Variants in EEF1A1 observed in about 807,000 individuals in gnomAD.
EEF1A1 encodes the protein elongation factor 1-alpha 1.
In EEF1A1, 1 loss-of-function variant was observed where a neutral mutation model predicts 38.5. The observed-to-expected ratio is 0.03, with a 90% CI of 0.01 to 0.12. The LOEUF (loss-of-function observed/expected upper bound fraction) is 0.12, where lower values mean the gene tolerates loss of function less well. Among genes scored for constraint, EEF1A1 ranks in the 10% least tolerant of loss-of-function variants. The pLI is 1.00. For missense variants in EEF1A1, 184 were observed against 588.3 expected (o/e 0.31, Z 7.11); for synonymous variants, 229 against 203.7 (o/e 1.12, Z -1.06).
rs1765547822 is a variant in EEF1A1, at chr6:73,517,400, C to T, written c.*410G>A. 6.0e-6 allele frequency: 1 copy of T among 167,626 alleles called. No homozygotes were observed. Among genetic ancestry groups the T allele is most frequent in the Admixed American group, 6.0e-5 (1 of 16,750 alleles). The allele number at this position is 167,626 out of a possible 1,614,324, so 10.4% of individuals were successfully genotyped here. On this transcript the variant is annotated 3_prime_UTR_variant, in exon 8 of 8. Coordinates refer to ENST00000309268, the MANE Select transcript of EEF1A1 (RefSeq NM_001402.6). ...TGTGGGGGGAAAACAACCCTATTCT[C>T]CACCCAGAAGTGTTAACTCAAGAAT...
Position 73,516,699 on chromosome 6 carries a change from C to T in EEF1A1, c.*1111G>A, listed in dbSNP as rs1765524406. On this transcript the variant is annotated 3_prime_UTR_variant, in exon 8 of 8. Transcript: ENST00000309268. Reference sequence around the variant, plus strand: ...TTATAACCAAAAAAAAACCTTTAGACACTTTTACATATGGGAGGTCAGGCA... The same window carrying T: ...TTATAACCAAAAAAAAACCTTTAGATACTTTTACATATGGGAGGTCAGGCA... 6.6e-6 allele frequency: 1 copy of T among 151,754 alleles called. No individual in the cohort carries two copies. Among genetic ancestry groups the T allele is most frequent in the Non-Finnish European group, 1.5e-5 (1 of 67,936 alleles). 9.4% of individuals were successfully genotyped at this position (151,754 alleles called of 1,614,324 possible).
chr6:73,519,623 C>CA, intron 2 of EEF1A1, 107 bp from the exon 3 acceptor site: 1 of 1,321,724 alleles, frequency 7.6e-7, no homozygotes, highest in African/African-American at 1.5e-5. Flanking sequence ...ACTCCAAGTC[C>CA]AAAGTGATTT....
At position 73,516,225 on chromosome 6, in the gene EEF1A1, C is replaced by G. The variant is rs1292227518; in HGVS notation, c.*1585G>C. The G allele has an allele frequency of 6.6e-6, 1 of 152,136 alleles. No individual in the cohort carries two copies. The highest frequency in any genetic ancestry group is 2.4e-5 in the African/African-American group (1 of 41,408). The allele number at this position is 152,136 out of a possible 1,614,324, so 9.4% of individuals were successfully genotyped here. On this transcript the variant is annotated 3_prime_UTR_variant, in exon 8 of 8. Transcript: ENST00000309268. ...ATTACAGACTTGTCTATGGCCAATT[C>G]AAGTACCTTTGAATCTTGAGCAATA...
chr6:73,519,540 T>C, intron 2 of EEF1A1, 24 bp from the exon 3 acceptor site: 3 of 1,566,476 alleles, frequency 1.9e-6, no homozygotes, highest in African/African-American at 2.7e-5. Context: ...GAGTCGTTAC[T>C]TGGTTACTAA....
chr6:73,518,868 A>C lies in EEF1A1; in HGVS notation c.622-20T>G. On this transcript the variant is annotated intron_variant, in intron 4 of 7. Transcript: ENST00000309268. ...AGGCATCTGAAACACAAGCATGCCA[A>C]TTTGTGTAAGCATGAAATCGCCATT... 1 of 1,612,628 alleles carries C rather than the reference A, an allele frequency of 6.2e-7. No individual in the cohort carries two copies. Among genetic ancestry groups the C allele is most frequent in the Non-Finnish European group, 8.5e-7 (1 of 1,178,696 alleles).
rs1478958703 is a variant in EEF1A1, at chr6:73,516,854, TAGTGACCA to T, written c.*948_*955del. ...GCCTATTACCATGTAGTTTCATTCCTAGTGACCAAGTAGACAAACTGCTAATTATCAAA... is the reference window on the plus strand; with the variant it reads ...GCCTATTACCATGTAGTTTCATTCCTAGTAGACAAACTGCTAATTATCAAA... On this transcript the variant is annotated 3_prime_UTR_variant, in exon 8 of 8. Coordinates refer to ENST00000309268, the MANE Select transcript of EEF1A1 (RefSeq NM_001402.6). 6.6e-6 allele frequency: 1 copy of T among 152,200 alleles called. No homozygotes were observed. Among genetic ancestry groups the T allele is most frequent in the African/African-American group, 2.4e-5 (1 of 41,448 alleles). The allele number at this position is 152,200 out of a possible 1,614,324, so 9.4% of individuals were successfully genotyped here. A position where few individuals can be genotyped will look rare whatever the true frequency, so the allele number is the denominator to read the frequency against.
rs1410705914 is a variant in EEF1A1 at position 73,515,774 on chromosome 6, T to C, written c.*2036A>G. 1.3e-5 allele frequency: 2 copies of C among 152,244 alleles called. No individual in the cohort carries two copies. The highest frequency in any genetic ancestry group is 2.1e-4 in the South Asian group (1 of 4,834). 9.4% of individuals were successfully genotyped at this position (152,244 alleles called of 1,614,324 possible). ...CTTAAAGCTTAAAATTCATTTATTG[T>C]AGTGAGCAAGTTTGTAATGAATACC... On this transcript the variant is annotated 3_prime_UTR_variant, in exon 8 of 8. Coordinates refer to ENST00000309268, the MANE Select transcript of EEF1A1 (RefSeq NM_001402.6).
Position 73,518,362 on chromosome 6 carries a change from T to G in EEF1A1, c.1021A>C (p.Thr341Pro), listed in dbSNP as rs192118435. ...TTACTTTAAATTGTTACCTGAGCAG[T>G]GAAGCCAGCTGCTTCCATTGGTGGG... ...NDPPMEAAGFTAQVIILNHPG... is the reference protein window; with the variant it reads ...NDPPMEAAGFPAQVIILNHPG... The change falls in exon 6 of 8, where the codon ACT becomes CCT. Residue 341 changes from threonine to proline, a missense_variant. By Grantham distance (38) the Thr-to-Pro change is conservative. Transcript: ENST00000309268. 6.2e-7 allele frequency: 1 copy of G among 1,613,906 alleles called. No individual in the cohort carries two copies. The highest frequency in any genetic ancestry group is 1.7e-5 in the Admixed American group (1 of 60,030).
Position 73,519,779 on chromosome 6 carries a change from A to G in EEF1A1, c.144+104T>C. 2.0e-6 allele frequency: 3 copies of G among 1,499,050 alleles called. No individual in the cohort carries two copies. In the Admixed American group the frequency reaches 6.2e-5, roughly 31 times the overall value. The allele number at this position is 1,499,050 out of a possible 1,614,324, so 92.9% of individuals were successfully genotyped here. On this transcript the variant is annotated intron_variant, in intron 2 of 7. Transcript: ENST00000309268. ...TTTCATAAGTAAGGTCTTAACTATTAGCATTCAGATCTAAACCACTCACTA... is the reference window on the plus strand; with the variant it reads ...TTTCATAAGTAAGGTCTTAACTATTGGCATTCAGATCTAAACCACTCACTA...
chr6:73,520,123 A>C, intron 1 of EEF1A1, 67 bp from the exon 2 acceptor site: 2 of 1,438,220 alleles, frequency 1.4e-6, no homozygotes, highest in Non-Finnish European at 9.3e-7. Context: ...ATCCAAACTC[A>C]AAAAGGGCAA....
chr6:73,519,788 A>G, intron 2 of EEF1A1, 95 bp downstream of exon 2: 1 of 1,551,942 alleles, frequency 6.4e-7, no homozygotes, highest in South Asian at 1.2e-5. Context: ...TAGCATTCAG[A>G]TCTAAACCAC....
At chr6:73,519,606 C>A in intron 2 of EEF1A1, 90 bp from the exon 3 acceptor site, 1 of 1,388,624 alleles carries the variant, frequency 7.2e-7, no homozygotes, top group East Asian at 2.3e-5. Context: ...GCAGTTTCCA[C>A]TTTACAACTC....
chr6:73,517,784 G>A lies in EEF1A1; in HGVS notation c.*26C>T. On this transcript the variant is annotated 3_prime_UTR_variant, in exon 8 of 8. Coordinates refer to ENST00000309268, the MANE Select transcript of EEF1A1 (RefSeq NM_001402.6). Reference sequence around the variant, plus strand: ...CGTTCTTCCACCACTGATTAAGAGTGGGGTGGCAGGTATTAGGGATAATAT... The same window carrying A: ...CGTTCTTCCACCACTGATTAAGAGTAGGGTGGCAGGTATTAGGGATAATAT... The A allele has an allele frequency of 1.6e-6, 2 of 1,289,642 alleles. No individual in the cohort carries two copies. Among genetic ancestry groups the A allele is most frequent in the Non-Finnish European group, 2.2e-6 (2 of 917,260 alleles). The allele number at this position is 1,289,642 out of a possible 1,614,324, so 79.9% of individuals were successfully genotyped here.
intron 2 of EEF1A1, 60 bp from the exon 3 acceptor site, chr6:73,519,576 T>C: frequency 6.6e-7 from 1 of 1,512,986 alleles, no homozygotes; most frequent in Non-Finnish European, 8.9e-7. Context: ...TTCAATTTCC[T>C]TGTCCCCAGC....
chr6:73,519,815 A>G, intron 2 of EEF1A1, 68 bp downstream of exon 2: 1 of 1,595,794 alleles, frequency 6.3e-7, no homozygotes, highest in Non-Finnish European at 8.5e-7. Flanking sequence ...GTTCTGGGGA[A>G]ATCACCTAAT....
chr6:73,517,980 T>G (rs1388401656), intron 7 of EEF1A1, 46 bp from the exon 8 acceptor site: 1 of 1,612,762 alleles, frequency 6.2e-7, no homozygotes, highest in Non-Finnish European at 8.5e-7. Flanking sequence ...TGTTCAGTTG[T>G]ATTTTTCATC....
rs766059116 is a variant in EEF1A1 at position 73,518,384 on chromosome 6, T to C, written c.999A>G (p.Pro333=). Residue 333 remains proline, a synonymous_variant, in exon 6 of 8, where the codon CCA becomes CCG. Coordinates refer to ENST00000309268, the MANE Select transcript of EEF1A1 (RefSeq NM_001402.6). ...GNVAGDSKND[P]PMEAAGFTAQ... ...CAGTGAAGCCAGCTGCTTCCATTGG[T>C]GGGTCATTTTTGCTGTCACCAGCAA... 5.6e-6 allele frequency: 9 copies of C among 1,613,622 alleles called. No individual in the cohort carries two copies. The highest frequency in any genetic ancestry group is 1.8e-4 in the Middle Eastern group (1 of 5,706).
Position 73,518,804 on chromosome 6 carries a change from A to G in EEF1A1, c.666T>C (p.Asn222=), listed in dbSNP as rs749088326. 1 of 1,614,186 alleles carries G rather than the reference A, an allele frequency of 6.2e-7. No homozygotes were observed. Among genetic ancestry groups the G allele is most frequent in the Non-Finnish European group, 8.5e-7 (1 of 1,180,028 alleles). ...CCTCAAGCAGCGTGGTTCCACTGGC[A>G]TTGCCATCCTTACGGGTGACTTTCC... ...KGWKVTRKDG[N]ASGTTLLEAL... is the part of the protein sequence containing the mutation. Residue 222 remains asparagine (N), a synonymous_variant, in exon 5 of 8, where the codon AAT becomes AAC. Coordinates refer to ENST00000309268, the MANE Select transcript of EEF1A1 (RefSeq NM_001402.6).
rs1561962896 is a variant in EEF1A1, at chr6:73,518,860, GC to G, written c.622-13del. 1.2e-6 allele frequency: 2 copies of G among 1,612,968 alleles called. No individual in the cohort carries two copies. Among genetic ancestry groups the G allele is most frequent in the Non-Finnish European group, 1.7e-6 (2 of 1,179,144 alleles). On this transcript the variant is annotated splice_polypyrimidine_tract_variant and intron_variant, in intron 4 of 7. Transcript: ENST00000309268. ...TTGAACCAAGGCATCTGAAACACAA[GC>G]ATGCCAATTTGTGTAAGCATGAAAT... is the stretch of plus-strand genomic sequence containing the variant.
Sources: gnomAD v4.1 joint callset for allele counts on GRCh38, gnomAD v4.1.1 for gene constraint, MANE v1.5 for transcripts, NCBI Gene and HGNC (gene_info 2026-07-23, HGNC 2026-07-21) for gene names.